LIPG: variants seen among roughly 807,000 people sequenced by gnomAD.
The protein encoded by LIPG is endothelial lipase.
Under a neutral mutation model 51.8 loss-of-function variants are expected in LIPG, and 34 were observed. The ratio of observed to expected loss-of-function variants is 0.66; its 90% CI spans 0.50 to 0.87. LIPG has a LOEUF of 0.87. LIPG is among the 40% of genes least tolerant of loss of function. The pLI, the probability that LIPG is intolerant of heterozygous loss-of-function variation, is 0.00. For synonymous variants in LIPG, 246 were observed against 246.1 expected, an observed-to-expected ratio of 1.00 and a Z score of 0.00; for missense variants, 580 against 652.7, an observed-to-expected ratio of 0.89 and a Z score of 1.21.
intron 1 of LIPG, among the ~76,000 whole-genome samples, chr18:49,564,160 C>T (rs1431582361): frequency 6.6e-6 from 1 of 152,172 alleles, no homozygotes; most frequent in Non-Finnish European, 1.5e-5. Flanking sequence ...CTCTCCACCA[C>T]TATATCTCTT....
chr18:49,588,045 C>A lies in LIPG; in HGVS notation c.1481+1195C>A, dbSNP rs1400190415. On this transcript the variant is annotated intron_variant, in intron 9 of 9. Coordinates refer to ENST00000261292, the MANE Select transcript of LIPG (RefSeq NM_006033.4). The stretch of plus-strand genomic sequence containing the variant: ...GCTCAAGTGATCCGCCTGCCTTGGC[C>A]TCCCAGAGTGCTGGGATTACAGGTG... Among the ~76,000 whole-genome samples, 6 of 152,276 alleles carry A rather than the reference C, an allele frequency of 3.9e-5. No homozygotes were observed. The East Asian group carries it at 1.2e-3, about 29-fold the overall frequency.
chr18:49,562,109 G>A lies in LIPG; in HGVS notation c.-200G>A. 6.9e-7 allele frequency: 1 copy of A among 1,453,206 alleles called. No individual in the cohort carries two copies. The highest frequency in any genetic ancestry group is 9.0e-7 in the Non-Finnish European group (1 of 1,111,010). 90.0% of individuals were successfully genotyped at this position (1,453,206 alleles called of 1,614,324 possible). On this transcript the variant is annotated 5_prime_UTR_variant, in exon 1 of 10. Transcript: ENST00000261292. ...TCAGGACGAGGGCAGATCTCGTTCT[G>A]GGGCAAGCCGTTGACACTCGCTCCC...
chr18:49,570,839 AC>A (rs909458683), intron 4 of LIPG, among the ~76,000 whole-genome samples: 1 of 152,208 alleles, frequency 6.6e-6, no homozygotes, highest in African/African-American at 2.4e-5. Context: ...AAAAAACAAA[AC>A]AAAACTCAGG....
At chr18:49,564,029 C>A (rs1377322126) in intron 1 of LIPG, among the ~76,000 whole-genome samples, 1 of 152,088 alleles carries the variant, frequency 6.6e-6, no homozygotes, top group Non-Finnish European at 1.5e-5. Flanking sequence ...GGCTTTTGTT[C>A]ATTACTTTCA....
chr18:49,588,310 T>C (rs139164625), intron 9 of LIPG, among the ~76,000 whole-genome samples: 4,739 of 147,138 alleles, frequency 0.032, 257 homozygotes, highest in African/African-American at 0.12. Context: ...TGAGACAAAG[T>C]CTCACTCTAT....
At chr18:49,585,453 T>C (rs916170454) in intron 8 of LIPG, among the ~76,000 whole-genome samples, 1 of 152,272 alleles carries the variant, frequency 6.6e-6, no homozygotes, top group African/African-American at 2.4e-5. Context: ...TTTTACAATT[T>C]GATTTTTTCA....
At chr18:49,564,034 C>CT (rs1349690155) in intron 1 of LIPG, among the ~76,000 whole-genome samples, 2 of 152,182 alleles carry the variant, frequency 1.3e-5, no homozygotes, top group African/African-American at 2.4e-5. Context: ...TTGTTCATTA[C>CT]TTTCATGACG....
At chr18:49,590,173 TTGTGTGTGTGTGTGTG>T (rs57137391) in intron 9 of LIPG, 9 of 371,852 alleles carry the variant, frequency 2.4e-5, no homozygotes, top group Admixed American at 3.8e-5. Context: ...GTGTCCATGA[TTGTGTGTGTGTGTGTG>T]TGTGTGTGTG....
chr18:49,567,578 G>C lies in LIPG; in HGVS notation c.416G>C (p.Arg139Thr). The change falls in exon 3 of 10, where the codon AGG becomes ACG. Residue 139 changes from arginine to threonine, a missense_variant. Arg to Thr is a moderately conservative substitution (Grantham distance 71). Transcript: ENST00000261292. Reference sequence around the variant, plus strand: ...TACACGGATGCGGTCAATAATACCAGGGTGGTGGGACACAGCATTGCCAGG... The same window carrying C: ...TACACGGATGCGGTCAATAATACCACGGTGGTGGGACACAGCATTGCCAGG... The part of the protein sequence containing the change: ...QLYTDAVNNT[R>T]VVGHSIARML... The C allele has an allele frequency of 6.2e-7, 1 of 1,614,130 alleles. No individual in the cohort carries two copies. Among genetic ancestry groups the C allele is most frequent in the Non-Finnish European group, 8.5e-7 (1 of 1,180,042 alleles).
intron 9 of LIPG, chr18:49,590,205 GT>G: frequency 2.0e-6 from 1 of 490,912 alleles, no homozygotes; most frequent in Non-Finnish European, 3.8e-6. Context: ...GTGTGTGTGT[GT>G]GTATGTTGTG....
chr18:49,581,702 C>T (rs1277235540), intron 6 of LIPG, 45 bp downstream of exon 6: 3 of 1,603,304 alleles, frequency 1.9e-6, no homozygotes, highest in Admixed American at 1.7e-5. Context: ...GCCCTTAATA[C>T]CTCCTTCTTA....
chr18:49,573,984 G>C (rs967670786), intron 4 of LIPG, among the ~76,000 whole-genome samples: 1 of 152,202 alleles, frequency 6.6e-6, no homozygotes, highest in African/African-American at 2.4e-5. Flanking sequence ...GGCCCTGCTA[G>C]ATGCTAGCAA....
chr18:49,590,236 C>A (rs540026717), intron 9 of LIPG: 14 of 516,986 alleles, frequency 2.7e-5, no homozygotes, highest in East Asian at 7.5e-5. Context: ...TATGTAAATG[C>A]AAGAACTGTG....
intron 7 of LIPG, 103 bp downstream of exon 7, chr18:49,582,585 G>A: frequency 6.7e-7 from 1 of 1,485,516 alleles, no homozygotes; most frequent in Non-Finnish European, 9.3e-7. Flanking sequence ...ACGCAGGAGA[G>A]TGCAGTCCGA....
At chr18:49,575,855 T>TG (rs1358751693) in intron 5 of LIPG, among the ~76,000 whole-genome samples, 2 of 151,532 alleles carry the variant, frequency 1.3e-5, no homozygotes, top group East Asian at 3.9e-4. Flanking sequence ...TTTTTTTTTT[T>TG]GAGAGGGAGT....
chr18:49,562,203 C>T lies in LIPG; in HGVS notation c.-106C>T. 1 of 1,594,296 alleles carries T rather than the reference C, an allele frequency of 6.3e-7. No individual in the cohort carries two copies. The highest frequency in any genetic ancestry group is 1.1e-5 in the South Asian group (1 of 89,242). The stretch of plus-strand genomic sequence containing the variant: ...CTTCTCTGCCTCCAGTCCCCCAGCC[C>T]CTGGCCGAGAGAAGGGTCTTACCGG... On this transcript the variant is annotated 5_prime_UTR_variant, in exon 1 of 10. Transcript: ENST00000261292.
rs1023534320 is a variant in LIPG at position 49,592,924 on chromosome 18, ATTTTTTTTT to A, written c.*2420_*2428del. ...AAGTTCTTAATGGTCTGACAACTCA[ATTTTTTTTT>A]TTTTTTTTTTTTTTTTTGAGACAGA... On this transcript the variant is annotated 3_prime_UTR_variant, in exon 10 of 10. Coordinates refer to ENST00000261292, the MANE Select transcript of LIPG (RefSeq NM_006033.4). 1.3e-4 allele frequency: 15 copies of A among 113,588 alleles called. No homozygotes were observed. Among genetic ancestry groups the A allele is most frequent in the African/African-American group, 3.5e-4 (10 of 28,558 alleles). The allele number at this position is 113,588 out of a possible 1,614,324, so 7.0% of individuals were successfully genotyped here.
Position 49,569,556 on chromosome 18 carries a change from C to G in LIPG, c.571+8C>G. ...CGGTGGGCCGAATCACAGGTGAGCT[C>G]CACTTCCATCACTAAAGGGCTCCCT... is the stretch of plus-strand genomic sequence containing the variant. On this transcript the variant is annotated splice_region_variant and intron_variant, in intron 4 of 9. Coordinates refer to ENST00000261292, the MANE Select transcript of LIPG (RefSeq NM_006033.4). The G allele has an allele frequency of 6.2e-7, 1 of 1,607,378 alleles. No homozygotes were observed. Among genetic ancestry groups the G allele is most frequent in the Non-Finnish European group, 8.5e-7 (1 of 1,174,428 alleles).
At chr18:49,569,765 G>C (rs568841232) in intron 4 of LIPG, among the ~76,000 whole-genome samples, 6 of 152,238 alleles carry the variant, frequency 3.9e-5, no homozygotes, top group Admixed American at 3.3e-4. Context: ...ACACAGAAAG[G>C]GGGGTGCTGT....
Sources: gnomAD v4.1 joint callset for allele counts (sites outside exome capture counted in the v4.1 genomes callset) on GRCh38, gnomAD v4.1.1 for gene constraint, MANE v1.5 for transcripts, NCBI Gene and HGNC (gene_info 2026-07-23, HGNC 2026-07-21) for gene names.